Variants in TMEM87A observed in about 807,000 individuals in gnomAD.
TMEM87A encodes Golgi-pH regulating cation channel.
In TMEM87A, 50 loss-of-function variants were observed where a neutral mutation model predicts 90.0. That is an observed-to-expected ratio of 0.56 (90% confidence interval 0.44 to 0.70). TMEM87A has a LOEUF of 0.70. TMEM87A is among the 30% of genes least tolerant of loss of function. TMEM87A has a pLI of 0.00. For synonymous variants in TMEM87A, 226 were observed against 226.7 expected (o/e 1.00, Z 0.03); for missense variants, 577 against 660.5 (o/e 0.87, Z 1.39).
At chr15:42,268,070 C>G (rs2051441135) in intron 2 of TMEM87A, 38 bp from the exon 3 acceptor site, 22 of 1,563,322 alleles carry the variant, frequency 1.4e-5, no homozygotes, top group Non-Finnish European at 1.8e-5. Flanking sequence ...AAAGATAATT[C>G]CCCAACAAAG....
intron 6 of TMEM87A, among the ~76,000 whole-genome samples, 189 bp from the exon 7 acceptor site, chr15:42,244,356 T>C (rs188394975): frequency 6.6e-6 from 1 of 152,220 alleles, no homozygotes. Context: ...GATTATGAAT[T>C]ACTGAAAGGC....
intron 3 of TMEM87A, 22 bp from the exon 4 acceptor site, chr15:42,264,225 A>G (rs751609098): frequency 1.9e-6 from 3 of 1,544,882 alleles, no homozygotes; most frequent in Non-Finnish European, 1.8e-6. Flanking sequence ...GATAATACAG[A>G]GTAGTTAACT....
At chr15:42,253,642 C>G (rs2051125607) in intron 6 of TMEM87A, among the ~76,000 whole-genome samples, 1 of 152,228 alleles carries the variant, frequency 6.6e-6, no homozygotes, top group South Asian at 2.1e-4. Context: ...GAGTTGCCAT[C>G]TTCCTGCCTC....
At chr15:42,238,565 G>A (rs760568730) in intron 8 of TMEM87A, among the ~76,000 whole-genome samples, 1 of 151,614 alleles carries the variant, frequency 6.6e-6, no homozygotes, top group East Asian at 1.9e-4. Flanking sequence ...GTGAGACTAC[G>A]TTTCAAGATA....
intron 8 of TMEM87A, among the ~76,000 whole-genome samples, chr15:42,238,972 TATGCACACATACATGTATGTGCACAC>T (rs2050824343): frequency 6.6e-6 from 1 of 152,024 alleles, no homozygotes; most frequent in South Asian, 2.1e-4. Flanking sequence ...GACACAGACG[TATGCACACATACATGTATGTGCACAC>T]ATACACACAT....
intron 6 of TMEM87A, among the ~76,000 whole-genome samples, chr15:42,248,457 A>G (rs1369558984): frequency 6.6e-6 from 1 of 152,172 alleles, no homozygotes; most frequent in Non-Finnish European, 1.5e-5. Context: ...CATACGTTCC[A>G]TCAATACTTA....
chr15:42,254,896 G>GTA (rs2051148243), intron 6 of TMEM87A, among the ~76,000 whole-genome samples: 1 of 151,784 alleles, frequency 6.6e-6, no homozygotes, highest in Non-Finnish European at 1.5e-5. Flanking sequence ...GTGTGCCACA[G>GTA]TGGTGCAGTA....
chr15:42,250,365 T>C (rs965721421), intron 6 of TMEM87A, among the ~76,000 whole-genome samples: 1 of 152,234 alleles, frequency 6.6e-6, no homozygotes, highest in Non-Finnish European at 1.5e-5. Context: ...CTAGCATCGA[T>C]GGTCTTTACA....
rs182994029 is a variant in TMEM87A, at chr15:42,240,898, C to T, written c.623-1167G>A. On this transcript the variant is annotated intron_variant, in intron 7 of 19. Coordinates refer to ENST00000389834, the MANE Select transcript of TMEM87A (RefSeq NM_015497.5). Reference sequence around the variant, plus strand: ...CTTCCTAATTCAATAAAAGAGTAAACAAAATAATTAGTAAATACTTGGATC... The same window carrying T: ...CTTCCTAATTCAATAAAAGAGTAAATAAAATAATTAGTAAATACTTGGATC... Among the ~76,000 whole-genome samples, 597 of 152,250 alleles carry T rather than the reference C, an allele frequency of 3.9e-3. 1 individual carries two copies. The highest frequency in any genetic ancestry group is 6.8e-3 in the Middle Eastern group (2 of 294).
At chr15:42,257,397 C>T (rs372144095) in intron 6 of TMEM87A, among the ~76,000 whole-genome samples, 3 of 152,150 alleles carry the variant, frequency 2.0e-5, no homozygotes, top group Admixed American at 6.5e-5. Flanking sequence ...CAGGCTCCCC[C>T]CTTCACCTTC....
intron 10 of TMEM87A, 95 bp downstream of exon 10, chr15:42,236,225 A>G (rs912053080): frequency 1.6e-5 from 16 of 1,020,962 alleles, no homozygotes; most frequent in Non-Finnish European, 2.4e-5. Context: ...TTCTTTTATC[A>G]ACTATTTCAG....
chr15:42,229,595 A>T (rs946275673), intron 12 of TMEM87A, among the ~76,000 whole-genome samples: 1 of 99,404 alleles, frequency 1.0e-5, no homozygotes, highest in African/African-American at 3.9e-5. Context: ...TCGTGCCTAT[A>T]ATCTCCCAGA....
chr15:42,238,163 G>A (rs1566930508), intron 8 of TMEM87A, among the ~76,000 whole-genome samples: 2 of 152,118 alleles, frequency 1.3e-5, no homozygotes, highest in South Asian at 2.1e-4. Flanking sequence ...CTGGTCAGGC[G>A]TGGTAATTCA....
intron 18 of TMEM87A, chr15:42,218,104 C>G (rs1482589476): frequency 7.9e-6 from 5 of 629,372 alleles, no homozygotes; most frequent in Non-Finnish European, 1.4e-5. Context: ...AAAGGAGTAT[C>G]CCATTCATTT....
chr15:42,249,054 T>G (rs964069803), intron 6 of TMEM87A, among the ~76,000 whole-genome samples: 2 of 152,342 alleles, frequency 1.3e-5, no homozygotes, highest in Non-Finnish European at 2.9e-5. Flanking sequence ...TCTTCTAGAT[T>G]TTCTAGTTTA....
Position 42,219,596 on chromosome 15 carries a change from ACTATTTC to A in TMEM87A, c.1517_1523del (p.Gly506ValfsTer11). 4 of 1,599,628 alleles carry A rather than the reference ACTATTTC, an allele frequency of 2.5e-6. No individual in the cohort carries two copies. The highest frequency in any genetic ancestry group is 3.4e-6 in the Non-Finnish European group (4 of 1,172,456). On this transcript the variant is annotated frameshift_variant, in exon 17 of 20. Coordinates refer to ENST00000389834, the MANE Select transcript of TMEM87A (RefSeq NM_015497.5). LOFTEE classifies it high-confidence loss of function. ...TCATACTTACTGCTTTGTTAACTTT[ACTATTTC>A]CATTGGGTTCTTGTTTGGTACTTCT...
At chr15:42,226,724 T>G in intron 15 of TMEM87A, 82 bp downstream of exon 15, 1 of 1,207,158 alleles carries the variant, frequency 8.3e-7, no homozygotes, top group Non-Finnish European at 1.2e-6. Flanking sequence ...GACACAGCCC[T>G]GATACTGTCC....
intron 2 of TMEM87A, among the ~76,000 whole-genome samples, chr15:42,269,735 G>A (rs1393193846): frequency 6.6e-6 from 1 of 151,402 alleles, no homozygotes; most frequent in African/African-American, 2.4e-5. Flanking sequence ...AGGAGATCGA[G>A]ACCATCCTGG....
At chr15:42,228,630 G>A in intron 13 of TMEM87A, 82 bp downstream of exon 13, 1 of 1,135,722 alleles carries the variant, frequency 8.8e-7, no homozygotes, top group Non-Finnish European at 1.3e-6. Context: ...AACTTTCTAT[G>A]TCCACCCATG....
Sources: allele counts gnomAD v4.1 joint callset (sites outside exome capture counted in the v4.1 genomes callset), GRCh38; gene constraint gnomAD v4.1.1; transcripts MANE v1.5; gene names NCBI Gene and HGNC (gene_info 2026-07-23, HGNC 2026-07-21).